The following ZBTB20 variants were observed in gnomAD, a reference collection of about 807,000 sequenced individuals.
ZBTB20 encodes the protein zinc finger and BTB domain containing 20.
ZBTB20 carries 9 observed loss-of-function variants against 56.9 expected under a neutral mutation model. That is an observed-to-expected ratio of 0.16 (90% CI 0.10 to 0.28). The LOEUF (loss-of-function observed/expected upper bound fraction) is 0.28, where lower values mean the gene tolerates loss of function less well. ZBTB20 is among the 10% of genes least tolerant of loss of function. ZBTB20 has a pLI of 1.00. For missense variants in ZBTB20, 655 were observed against 1,003.0 expected (o/e 0.65, Z 4.69); for synonymous variants, 417 against 420.7 (o/e 0.99, Z 0.11).
intron 11 of ZBTB20, among the ~76,000 whole-genome samples, chr3:114,348,522 C>T (rs961148138): frequency 2.6e-5 from 4 of 152,200 alleles, no homozygotes; most frequent in African/African-American, 9.7e-5. Context: ...CTCACCACTA[C>T]CCAAGTTTCT....
chr3:114,979,177 C>G (rs1032255104), intron 2 of ZBTB20, among the ~76,000 whole-genome samples: 8 of 151,924 alleles, frequency 5.3e-5, no homozygotes, highest in Non-Finnish European at 1.0e-4. Flanking sequence ...AAAGCACAGC[C>G]TGGAATGTAG....
chr3:114,937,477 C>T (rs892908351), intron 3 of ZBTB20, among the ~76,000 whole-genome samples: 1 of 151,336 alleles, frequency 6.6e-6, no homozygotes, highest in South Asian at 2.1e-4. Context: ...GCTGGAGTGC[C>T]GGGGCGCAAT....
At chr3:115,081,397 T>A (rs773295910) in intron 1 of ZBTB20, among the ~76,000 whole-genome samples, 3 of 152,116 alleles carry the variant, frequency 2.0e-5, no homozygotes, top group Non-Finnish European at 2.9e-5. Flanking sequence ...CTATCCTATA[T>A]CCAGTTCATA....
chr3:114,961,867 T>G (rs1054188530), intron 3 of ZBTB20, among the ~76,000 whole-genome samples: 1 of 152,136 alleles, frequency 6.6e-6, no homozygotes, highest in Non-Finnish European at 1.5e-5. Flanking sequence ...GCTATTGTTA[T>G]GGTTATTTCA....
chr3:114,616,615 A>G (rs2057964314), intron 6 of ZBTB20, among the ~76,000 whole-genome samples: 1 of 151,996 alleles, frequency 6.6e-6, no homozygotes, highest in South Asian at 2.1e-4. Flanking sequence ...CCCTTTTGTC[A>G]TCTTTCAATA....
intron 1 of ZBTB20, among the ~76,000 whole-genome samples, chr3:115,108,019 G>A (rs2083773589): frequency 6.6e-6 from 1 of 152,086 alleles, no homozygotes; most frequent in Non-Finnish European, 1.5e-5. Flanking sequence ...AGAGCATCAG[G>A]ACAAATAGCT....
intron 4 of ZBTB20, among the ~76,000 whole-genome samples, chr3:114,888,684 C>T (rs892493019): frequency 1.3e-5 from 2 of 151,972 alleles, no homozygotes; most frequent in African/African-American, 4.8e-5. Context: ...TGAGACTTGG[C>T]AAAGACCCTA....
chr3:114,733,518 G>C (rs576382938), intron 5 of ZBTB20, among the ~76,000 whole-genome samples: 2 of 152,252 alleles, frequency 1.3e-5, no homozygotes, highest in African/African-American at 4.8e-5. Context: ...AAGTTTTCTA[G>C]AGAAGGCACT....
intron 4 of ZBTB20, among the ~76,000 whole-genome samples, chr3:114,823,968 A>C (rs1230429333): frequency 1.3e-5 from 2 of 152,016 alleles, no homozygotes; most frequent in South Asian, 2.1e-4. Context: ...ACCAGCAAAC[A>C]TATTTAGGGG....
chr3:115,078,154 T>C (rs1190101300), intron 1 of ZBTB20, among the ~76,000 whole-genome samples: 1 of 152,188 alleles, frequency 6.6e-6, no homozygotes, highest in Non-Finnish European at 1.5e-5. Context: ...CTGAATCACC[T>C]AATAGACTTC....
At chr3:114,386,746 A>C (rs1441330748) in intron 8 of ZBTB20, among the ~76,000 whole-genome samples, 2 of 152,164 alleles carry the variant, frequency 1.3e-5, no homozygotes, top group Admixed American at 1.3e-4. Context: ...TCAGGGCAAA[A>C]GAATGGTTCT....
intron 2 of ZBTB20, among the ~76,000 whole-genome samples, chr3:115,030,002 G>A (rs1175971858): frequency 6.6e-6 from 1 of 151,060 alleles, no homozygotes; most frequent in Non-Finnish European, 1.5e-5. Context: ...ACATATGACA[G>A]AGTATCATAT....
At chr3:114,667,391 A>T (rs940995158) in intron 6 of ZBTB20, among the ~76,000 whole-genome samples, 3 of 152,050 alleles carry the variant, frequency 2.0e-5, no homozygotes, top group Admixed American at 2.0e-4. Flanking sequence ...TATGAACCTC[A>T]ATGTGATCTG....
chr3:114,405,292 A>G (rs1237532057), intron 7 of ZBTB20, among the ~76,000 whole-genome samples: 1 of 152,170 alleles, frequency 6.6e-6, no homozygotes, highest in Admixed American at 6.5e-5. Flanking sequence ...TAATTGCATT[A>G]ATTATGAAGC....
intron 6 of ZBTB20, among the ~76,000 whole-genome samples, chr3:114,685,383 A>C (rs1036924874): frequency 6.6e-6 from 1 of 152,178 alleles, no homozygotes; most frequent in African/African-American, 2.4e-5. Flanking sequence ...TGCTAATTTC[A>C]AACTTTCTAA....
intron 6 of ZBTB20, among the ~76,000 whole-genome samples, chr3:114,654,604 T>A (rs2060298740): frequency 2.6e-5 from 4 of 152,122 alleles, no homozygotes; most frequent in Admixed American, 2.6e-4. Flanking sequence ...GTTTTAAATA[T>A]GTTTTAAAGA....
chr3:114,594,315 G>T (rs1433916728), intron 6 of ZBTB20, among the ~76,000 whole-genome samples: 10 of 142,948 alleles, frequency 7.0e-5, no homozygotes, highest in Non-Finnish European at 1.2e-4. Flanking sequence ...TCACCAGGCT[G>T]GAGTGCAGTG....
intron 6 of ZBTB20, among the ~76,000 whole-genome samples, chr3:114,586,989 C>CTTTTTTTTTTTTT (rs1195918426): frequency 1.3e-5 from 1 of 76,976 alleles, no homozygotes; most frequent in Non-Finnish European, 2.4e-5. Flanking sequence ...GTATAACTCC[C>CTTTTTTTTTTTTT]TTTTTTTTTT....
At chr3:114,352,452 T>C (rs1007226660) in intron 10 of ZBTB20, among the ~76,000 whole-genome samples, 5 of 152,160 alleles carry the variant, frequency 3.3e-5, no homozygotes, top group Admixed American at 6.5e-5. Context: ...ACCCACACCA[T>C]GTATGCAAAA....
Sources: gnomAD v4.1 joint callset for allele counts (sites outside exome capture counted in the v4.1 genomes callset) on GRCh38, gnomAD v4.1.1 for gene constraint, MANE v1.5 for transcripts, NCBI Gene and HGNC (gene_info 2026-07-23, HGNC 2026-07-21) for gene names.